RNFT2: variants seen among roughly 807,000 people sequenced by gnomAD.
The protein encoded by RNFT2 is E3 ubiquitin-protein ligase RNFT2.
Under a neutral mutation model 53.0 loss-of-function variants are expected in RNFT2, and 36 were observed. That is an observed-to-expected ratio of 0.68 (90% CI 0.52 to 0.90). The LOEUF (loss-of-function observed/expected upper bound fraction) is 0.90, where lower values mean the gene tolerates loss of function less well. Ranked by LOEUF, RNFT2 falls within the 40% of genes least tolerant of loss-of-function variation. The pLI, the probability that RNFT2 is intolerant of heterozygous loss-of-function variation, is 0.00. For missense variants in RNFT2, 514 were observed against 585.6 expected (o/e 0.88, Z 1.26); for synonymous variants, 260 against 253.2 (o/e 1.03, Z -0.26).
chr12:116,832,148 A>AAATATATATATATATATATAT (rs1555209702), intron 7 of RNFT2, among the ~76,000 whole-genome samples: 9 of 55,176 alleles, frequency 1.6e-4, no homozygotes, highest in African/African-American at 6.3e-4. Context: ...AAAAAAAAAA[A>AAATATATATATATATATATAT]ATATATATAT....
At chr12:116,823,270 ACT>A (rs1376299380) in intron 7 of RNFT2, among the ~76,000 whole-genome samples, 19 of 152,210 alleles carry the variant, frequency 1.2e-4, no homozygotes, top group African/African-American at 3.9e-4. Context: ...CACACAGAAC[ACT>A]GAGGCCCAGA....
At chr12:116,827,556 T>C (rs1330658139) in intron 7 of RNFT2, among the ~76,000 whole-genome samples, 1 of 152,228 alleles carries the variant, frequency 6.6e-6, no homozygotes, top group Non-Finnish European at 1.5e-5. Context: ...GTCAGAAAAC[T>C]ACAGGCTACA....
At chr12:116,844,448 G>A (rs1877505062) in intron 10 of RNFT2, among the ~76,000 whole-genome samples, 2 of 152,204 alleles carry the variant, frequency 1.3e-5, no homozygotes, top group African/African-American at 4.8e-5. Flanking sequence ...TGTTGGCCAG[G>A]CTGGTCTTCA....
intron 7 of RNFT2, among the ~76,000 whole-genome samples, chr12:116,820,007 A>C (rs983070867): frequency 3.3e-5 from 5 of 152,192 alleles, no homozygotes; most frequent in African/African-American, 1.2e-4. Context: ...ATCAACATAA[A>C]ATTTTTAATG....
chr12:116,770,540 A>G (rs1566076023), intron 6 of RNFT2, among the ~76,000 whole-genome samples: 1 of 151,982 alleles, frequency 6.6e-6, no homozygotes, highest in Non-Finnish European at 1.5e-5. Flanking sequence ...TATTTTAAGT[A>G]TGTATGTCTT....
intron 6 of RNFT2, among the ~76,000 whole-genome samples, chr12:116,772,217 A>T (rs924455796): frequency 9.9e-5 from 15 of 152,188 alleles, no homozygotes; most frequent in Non-Finnish European, 1.8e-4. Flanking sequence ...TCAGCCTCCC[A>T]AAGTGCTGGG....
At chr12:116,801,654 C>A (rs759951069) in intron 7 of RNFT2, among the ~76,000 whole-genome samples, 1 of 152,146 alleles carries the variant, frequency 6.6e-6, no homozygotes, top group Admixed American at 6.5e-5. Flanking sequence ...GCATTAGCAG[C>A]CATCTGTTTA....
chr12:116,836,384 G>C lies in RNFT2; in HGVS notation c.1200+102G>C. On this transcript the variant is annotated intron_variant, in intron 10 of 10. Coordinates refer to ENST00000257575, the MANE Select transcript of RNFT2 (RefSeq NM_001382266.1). ...GGTCTCTGGCATGGGTCTCTGGGGGGCAATCCGGTTAAGACCGGAGTCAGC... is the reference window on the plus strand; with the variant it reads ...GGTCTCTGGCATGGGTCTCTGGGGGCCAATCCGGTTAAGACCGGAGTCAGC... 6.2e-6 allele frequency: 6 copies of C among 975,374 alleles called. 1 individual carries two copies. The South Asian group carries it at 8.6e-5, about 14-fold the overall frequency. 60.4% of individuals were successfully genotyped at this position (975,374 alleles called of 1,614,324 possible).
chr12:116,813,621 T>A (rs1875495159), intron 7 of RNFT2, among the ~76,000 whole-genome samples: 2 of 152,254 alleles, frequency 1.3e-5, no homozygotes. Flanking sequence ...ACTTAAAACT[T>A]GGCAAGAACA....
At chr12:116,812,534 C>CTT (rs112093335) in intron 7 of RNFT2, among the ~76,000 whole-genome samples, 6 of 143,972 alleles carry the variant, frequency 4.2e-5, no homozygotes, top group Middle Eastern at 3.6e-3. Context: ...CTGTTCCTAT[C>CTT]TTTTTTTTTT....
At position 116,850,719 on chromosome 12, in the gene RNFT2, C is replaced by T. The variant is rs2137232119; in HGVS notation, c.*1271C>T. The T allele has an allele frequency of 1.3e-5, 2 of 152,060 alleles. No individual in the cohort carries two copies. Among genetic ancestry groups the T allele is most frequent in the Non-Finnish European group, 2.9e-5 (2 of 68,116 alleles). 9.4% of individuals were successfully genotyped at this position (152,060 alleles called of 1,614,324 possible). A position where few individuals can be genotyped will look rare whatever the true frequency, so the allele number is the denominator to read the frequency against. On this transcript the variant is annotated 3_prime_UTR_variant, in exon 11 of 11. Transcript: ENST00000257575. ...CTTGGCTCACTGCAACCTCCGCCTC[C>T]CGGGTTCAAGTGATTCTCCTGCCTC... is the stretch of plus-strand genomic sequence containing the variant.
At chr12:116,836,590 TCA>T (rs1209022894) in intron 10 of RNFT2, among the ~76,000 whole-genome samples, 1 of 152,134 alleles carries the variant, frequency 6.6e-6, no homozygotes, top group Non-Finnish European at 1.5e-5. Context: ...TGTGGGTCAG[TCA>T]CTCTCTCTCT....
chr12:116,740,484 G>T lies in RNFT2; in HGVS notation c.-14G>T. 1 of 1,571,668 alleles carries T rather than the reference G, an allele frequency of 6.4e-7. No individual in the cohort carries two copies. The highest frequency in any genetic ancestry group is 2.3e-5 in the East Asian group (1 of 43,078). ...GCCTACCTCCAGTGTCGTCAACATG[G>T]AGTTCTGAAGTCCATGTGGCTCTTC... On this transcript the variant is annotated 5_prime_UTR_variant, in exon 2 of 11. It introduces an in-frame stop codon into an upstream open reading frame of the 5' UTR. Coordinates refer to ENST00000257575, the MANE Select transcript of RNFT2 (RefSeq NM_001382266.1).
chr12:116,779,389 G>T, intron 7 of RNFT2, 41 bp downstream of exon 7: 1 of 1,609,122 alleles, frequency 6.2e-7, no homozygotes. Context: ...CCAGTCACAT[G>T]GATCATGCAG....
At chr12:116,830,292 GTTTT>G (rs1876572733) in intron 7 of RNFT2, among the ~76,000 whole-genome samples, 2 of 151,842 alleles carry the variant, frequency 1.3e-5, no homozygotes, top group South Asian at 4.2e-4. Context: ...TTTTATTGTT[GTTTT>G]TTTGTTTTCG....
At chr12:116,825,471 A>G (rs1452816622) in intron 7 of RNFT2, among the ~76,000 whole-genome samples, 2 of 152,222 alleles carry the variant, frequency 1.3e-5, no homozygotes, top group Non-Finnish European at 2.9e-5. Flanking sequence ...TAGCTGTATC[A>G]TGTACTGGGC....
intron 4 of RNFT2, among the ~76,000 whole-genome samples, chr12:116,750,606 C>T (rs905631450): frequency 2.4e-4 from 37 of 151,536 alleles, no homozygotes; most frequent in Non-Finnish European, 3.4e-4. Context: ...ATAACTCAGA[C>T]TGCTGGAGTC....
intron 4 of RNFT2, among the ~76,000 whole-genome samples, chr12:116,751,959 T>C (rs1376431953): frequency 6.6e-6 from 1 of 152,070 alleles, no homozygotes; most frequent in East Asian, 1.9e-4. Flanking sequence ...ACTTATTAGA[T>C]CATGGTGTTG....
Position 116,851,387 on chromosome 12 carries a change from G to T in RNFT2, c.*1939G>T, listed in dbSNP as rs189371271. ...AGCAGAGCCCGCACTCTTAACCTCC[G>T]CACTGCTCTGCCCCTCAGACATTCC... On this transcript the variant is annotated 3_prime_UTR_variant, in exon 11 of 11. Transcript: ENST00000257575. The T allele has an allele frequency of 3.4e-6, 1 of 290,746 alleles. No homozygotes were observed. 18.0% of individuals were successfully genotyped at this position (290,746 alleles called of 1,614,324 possible).
Sources: gnomAD v4.1 joint callset for allele counts (sites outside exome capture counted in the v4.1 genomes callset) on GRCh38, gnomAD v4.1.1 for gene constraint, MANE v1.5 for transcripts, NCBI Gene and HGNC (gene_info 2026-07-23, HGNC 2026-07-21) for gene names.